Variants in ARHGAP32 observed in about 807,000 individuals in gnomAD.
The protein encoded by ARHGAP32 is Rho GTPase activating protein 32, also known as rho GTPase-activating protein 32.
Under a neutral mutation model 186.5 loss-of-function variants are expected in ARHGAP32, and 51 were observed. The ratio of observed to expected loss-of-function variants is 0.27; its 90% confidence interval spans 0.22 to 0.35. The LOEUF (loss-of-function observed/expected upper bound fraction) is 0.35, where lower values mean the gene tolerates loss of function less well. ARHGAP32 is among the 10% of genes least tolerant of loss of function. The pLI, the probability that ARHGAP32 is intolerant of heterozygous loss-of-function variation, is 1.00. For missense variants in ARHGAP32, 2,186 were observed against 2,623.5 expected, an observed-to-expected ratio of 0.83 and a Z score of 3.64; for synonymous variants, 950 against 964.3, an observed-to-expected ratio of 0.99 and a Z score of 0.27.
At chr11:129,115,812 A>G (rs1942351897) in intron 5 of ARHGAP32, among the ~76,000 whole-genome samples, 1 of 152,092 alleles carries the variant, frequency 6.6e-6, no homozygotes. Context: ...TGTTTGTGAA[A>G]TACAGATCCT....
intron 10 of ARHGAP32, among the ~76,000 whole-genome samples, chr11:129,044,359 G>A (rs147127839): frequency 1.9e-4 from 29 of 152,232 alleles, no homozygotes; most frequent in African/African-American, 6.0e-4. Context: ...TTCTGCAGCC[G>A]TGGCAATTTC....
At chr11:129,013,021 T>C (rs929634407) in intron 11 of ARHGAP32, among the ~76,000 whole-genome samples, 2 of 152,214 alleles carry the variant, frequency 1.3e-5, no homozygotes, top group Non-Finnish European at 2.9e-5. Flanking sequence ...GGACATTAGG[T>C]AACTGACTCT....
At chr11:129,168,147 G>C (rs1943676480) in intron 1 of ARHGAP32, among the ~76,000 whole-genome samples, 1 of 152,162 alleles carries the variant, frequency 6.6e-6, no homozygotes, top group South Asian at 2.1e-4. Flanking sequence ...TCCACAGGCT[G>C]AGGTGAGAAG....
chr11:129,177,117 C>A (rs1943934202), intron 1 of ARHGAP32, among the ~76,000 whole-genome samples: 1 of 151,718 alleles, frequency 6.6e-6, no homozygotes, highest in African/African-American at 2.4e-5. Flanking sequence ...CACCACCGAT[C>A]CCACAGAAAT....
intron 1 of ARHGAP32, among the ~76,000 whole-genome samples, chr11:129,217,414 C>T (rs1305690615): frequency 1.3e-5 from 2 of 152,160 alleles, no homozygotes; most frequent in Non-Finnish European, 2.9e-5. Flanking sequence ...CCATGTCATG[C>T]CAAGGGGTAT....
intron 10 of ARHGAP32, among the ~76,000 whole-genome samples, chr11:129,042,373 A>G (rs1337580635): frequency 6.6e-6 from 1 of 152,188 alleles, no homozygotes; most frequent in African/African-American, 2.4e-5. Flanking sequence ...AGTTTTGTTC[A>G]CAAGATGTGA....
chr11:129,035,045 A>C (rs767858581), intron 11 of ARHGAP32, among the ~76,000 whole-genome samples: 2 of 152,182 alleles, frequency 1.3e-5, no homozygotes, highest in Non-Finnish European at 2.9e-5. Context: ...ACAAACACAA[A>C]GAAAAACATG....
chr11:129,209,594 A>T (rs1437583778), intron 1 of ARHGAP32, among the ~76,000 whole-genome samples: 1 of 152,020 alleles, frequency 6.6e-6, no homozygotes, highest in African/African-American at 2.4e-5. Flanking sequence ...TGCAAACGGA[A>T]AACACCCACT....
chr11:129,193,726 A>ATATAATATATAATATATAT (rs1555111391), upstream of ARHGAP32, among the ~76,000 whole-genome samples: 4 of 85,704 alleles, frequency 4.7e-5, no homozygotes, highest in South Asian at 2.9e-4. Context: ...ATTATATATT[A>ATATAATATATAATATATAT]TATATAATAT....
chr11:128,971,338 G>T, intron 22 of ARHGAP32, 179 bp from the exon 23 acceptor site: 1 of 566,386 alleles, frequency 1.8e-6, no homozygotes, highest in Non-Finnish European at 3.1e-6. Flanking sequence ...CTGCTATTTT[G>T]TACAACACCC....
chr11:128,976,156 T>G (rs1051979395), intron 20 of ARHGAP32, among the ~76,000 whole-genome samples: 2 of 151,870 alleles, frequency 1.3e-5, no homozygotes, highest in African/African-American at 2.4e-5. Context: ...ATCTTCTGCT[T>G]AACACTAGTA....
At chr11:129,082,236 C>G (rs1390624318) in intron 6 of ARHGAP32, among the ~76,000 whole-genome samples, 1 of 151,942 alleles carries the variant, frequency 6.6e-6, no homozygotes, top group Non-Finnish European at 1.5e-5. Context: ...TCATTTCTCA[C>G]AGAACTAGAA....
intron 2 of ARHGAP32, among the ~76,000 whole-genome samples, chr11:129,148,833 T>C (rs1219334714): frequency 2.0e-5 from 3 of 152,060 alleles, no homozygotes; most frequent in Non-Finnish European, 4.4e-5. Context: ...CTATCACCCA[T>C]TTCCCTGAGA....
At chr11:129,057,021 A>T (rs987009537) in intron 10 of ARHGAP32, among the ~76,000 whole-genome samples, 7 of 152,256 alleles carry the variant, frequency 4.6e-5, no homozygotes, top group Admixed American at 1.3e-4. Flanking sequence ...TCTGTGACGC[A>T]CAGCCTCCTC....
intron 11 of ARHGAP32, among the ~76,000 whole-genome samples, chr11:129,036,821 T>C (rs972949901): frequency 2.6e-5 from 4 of 152,182 alleles, no homozygotes; most frequent in Non-Finnish European, 5.9e-5. Context: ...ACACGGATGC[T>C]TGTACTTGAG....
chr11:128,972,626 A>G lies in ARHGAP32; in HGVS notation c.3880T>C (p.Trp1294Arg). 1.2e-6 allele frequency: 2 copies of G among 1,611,932 alleles called. No individual in the cohort carries two copies. The highest frequency in any genetic ancestry group is 1.7e-6 in the Non-Finnish European group (2 of 1,178,540). Residue 1294 changes from tryptophan to arginine, a missense_variant, in exon 22 of 23, where the codon TGG becomes CGG. Physicochemically the swap from Trp to Arg is moderately radical, Grantham distance 101 (BLOSUM62 -3). Coordinates refer to ENST00000682385, the MANE Select transcript of ARHGAP32 (RefSeq NM_001378024.1). ...GTGGTGGGTTGTTCAGCCACATCCC[A>G]GCTGGCTTCCTTGGTGCTCATTTGG... is the stretch of plus-strand genomic sequence containing the variant. ...TAQMSTKEAS[W>R]DVAEQPTTAD... is the part of the protein sequence containing the mutation.
intron 1 of ARHGAP32, among the ~76,000 whole-genome samples, chr11:129,274,256 C>T (rs1029310005): frequency 3.3e-5 from 5 of 152,194 alleles, no homozygotes; most frequent in African/African-American, 7.2e-5. Flanking sequence ...CCTGCTCAAG[C>T]TTCATCTCTC....
At chr11:129,058,184 A>AT (rs1555081930) in intron 10 of ARHGAP32, among the ~76,000 whole-genome samples, 2 of 85,676 alleles carry the variant, frequency 2.3e-5, no homozygotes, top group Admixed American at 1.2e-4. Flanking sequence ...CAGAAAAAAA[A>AT]ATATACACAC....
chr11:129,245,599 T>TAAAAATAAATAA (rs1173302567), intron 1 of ARHGAP32, among the ~76,000 whole-genome samples: 4 of 146,926 alleles, frequency 2.7e-5, no homozygotes, highest in Non-Finnish European at 6.0e-5. Context: ...TAAAGTATAA[T>TAAAAATAAATAA]AAAAATAAAT....
Sources: gnomAD v4.1 joint callset for allele counts (sites outside exome capture counted in the v4.1 genomes callset) on GRCh38, gnomAD v4.1.1 for gene constraint, MANE v1.5 for transcripts, NCBI Gene and HGNC (gene_info 2026-07-23, HGNC 2026-07-21) for gene names.